Variants in NPSR1 observed in about 807,000 individuals in gnomAD.
NPSR1 encodes neuropeptide S receptor 1.
A neutral mutation model predicts 46.9 loss-of-function variants in NPSR1; 48 were observed. The observed-to-expected ratio is 1.02, with a 90% confidence interval of 0.81 to 1.30. The LOEUF (loss-of-function observed/expected upper bound fraction) is 1.30. NPSR1 is among the 50% of genes most tolerant of loss of function. NPSR1 has a pLI of 0.00. For missense variants in NPSR1, 450 were observed against 449.5 expected (o/e 1.00, Z -0.01); for synonymous variants, 176 against 168.1 (o/e 1.05, Z -0.36).
At chr7:34,854,412 CA>C (rs1483957576), downstream of NPSR1, among the ~76,000 whole-genome samples, 1 of 151,956 alleles carries the variant, frequency 6.6e-6, no homozygotes, top group East Asian at 1.9e-4. Context: ...CTGCTGTTTA[CA>C]AAAGACATGC....
chr7:34,750,915 A>G, intron 2 of NPSR1: 1 of 736,084 alleles, frequency 1.4e-6, no homozygotes, highest in South Asian at 1.3e-5. Context: ...CACTTCCTCC[A>G]CCCCCAGCTC....
intron 2 of NPSR1, among the ~76,000 whole-genome samples, chr7:34,721,130 G>A (rs747827426): frequency 6.6e-6 from 1 of 152,068 alleles, no homozygotes; most frequent in Non-Finnish European, 1.5e-5. Context: ...GGAATAGGAT[G>A]GTAAGAAAGA....
chr7:34,850,398 C>CT (rs756462912), downstream of NPSR1, among the ~76,000 whole-genome samples: 6,090 of 113,044 alleles, frequency 0.054, 293 homozygotes, highest in African/African-American at 0.1. Flanking sequence ...TCCTTGAGGC[C>CT]TTTTTTTTTT....
At chr7:34,758,459 G>T (rs1421121029) in intron 2 of NPSR1, among the ~76,000 whole-genome samples, 3 of 152,188 alleles carry the variant, frequency 2.0e-5, no homozygotes, top group African/African-American at 7.2e-5. Context: ...TATAACAGCA[G>T]CCCTTGCTCA....
At chr7:34,694,150 A>G (rs1460009396) in intron 2 of NPSR1, among the ~76,000 whole-genome samples, 1 of 152,196 alleles carries the variant, frequency 6.6e-6, no homozygotes, top group African/African-American at 2.4e-5. Flanking sequence ...TCCTAGCTAG[A>G]GCAATCAGGC....
intron 3 of NPSR1, among the ~76,000 whole-genome samples, chr7:34,793,333 G>A (rs1023521314): frequency 1.3e-5 from 2 of 152,004 alleles, no homozygotes; most frequent in Admixed American, 1.3e-4. Context: ...CAGAATATAT[G>A]AGAAACTCAA....
intron 2 of NPSR1, among the ~76,000 whole-genome samples, chr7:34,748,404 G>A (rs963417274): frequency 2.6e-5 from 4 of 152,186 alleles, no homozygotes; most frequent in Admixed American, 1.3e-4. Flanking sequence ...GCTTGGGATT[G>A]GGGCAGGAAG....
At chr7:34,746,535 C>T (rs2128721569) in intron 2 of NPSR1, among the ~76,000 whole-genome samples, 1 of 152,150 alleles carries the variant, frequency 6.6e-6, no homozygotes, top group African/African-American at 2.4e-5. Flanking sequence ...CAAACATATC[C>T]CTCACAGATA....
chr7:34,815,761 T>C (rs1026174606), intron 4 of NPSR1, among the ~76,000 whole-genome samples: 39 of 151,260 alleles, frequency 2.6e-4, no homozygotes, highest in Non-Finnish European at 5.9e-5. Context: ...GGGCCAATAT[T>C]CAACATTCTT....
chr7:34,866,060 A>G (rs1225357269), intron 8 of NPSR1, among the ~76,000 whole-genome samples: 1 of 151,886 alleles, frequency 6.6e-6, no homozygotes, highest in East Asian at 1.9e-4. Flanking sequence ...GCTGGGATGA[A>G]TCCACTTCAA....
At chr7:34,708,117 TGAAG>T (rs1794200723) in intron 2 of NPSR1, among the ~76,000 whole-genome samples, 1 of 152,162 alleles carries the variant, frequency 6.6e-6, no homozygotes, top group Non-Finnish European at 1.5e-5. Context: ...TGTCACATTG[TGAAG>T]GACTGGAGGT....
At chr7:34,846,712 A>G (rs1393388026) in intron 7 of NPSR1, among the ~76,000 whole-genome samples, 4 of 152,210 alleles carry the variant, frequency 2.6e-5, no homozygotes, top group Admixed American at 2.0e-4. Flanking sequence ...TCAGCCGGCA[A>G]AAAGAAAAAA....
chr7:34,768,051 A>C (rs140075017), intron 2 of NPSR1, among the ~76,000 whole-genome samples: 31 of 152,280 alleles, frequency 2.0e-4, no homozygotes, highest in Admixed American at 6.5e-4. Context: ...GAGATGATAG[A>C]TATGCCAGTT....
At chr7:34,789,740 C>CAAAAAAAAAAAAAAAAAAAAAAAA (rs751424409) in intron 3 of NPSR1, among the ~76,000 whole-genome samples, 2 of 45,348 alleles carry the variant, frequency 4.4e-5, no homozygotes, top group African/African-American at 8.8e-5. Context: ...TTGCAGTGCG[C>CAAAAAAAAAAAAAAAAAAAAAAAA]AAAAAAAAAA....
chr7:34,826,102 C>T (rs953252564), intron 4 of NPSR1, among the ~76,000 whole-genome samples: 2 of 152,114 alleles, frequency 1.3e-5, no homozygotes, highest in African/African-American at 2.4e-5. Flanking sequence ...TCAAGGGACT[C>T]GAGTTTCCAA....
chr7:34,864,083 G>T (rs1239872397), intron 8 of NPSR1, among the ~76,000 whole-genome samples: 1 of 151,740 alleles, frequency 6.6e-6, no homozygotes, highest in Non-Finnish European at 1.5e-5. Flanking sequence ...GGACATAGAT[G>T]AAGCTGGAAA....
At chr7:34,689,365 G>A (rs1045438794) in intron 2 of NPSR1, among the ~76,000 whole-genome samples, 8 of 152,106 alleles carry the variant, frequency 5.3e-5, no homozygotes, top group African/African-American at 1.9e-4. Context: ...CAGCACTTTG[G>A]GAGGCCAAGG....
At chr7:34,742,616 C>G (rs1785002112) in intron 2 of NPSR1, among the ~76,000 whole-genome samples, 3 of 152,164 alleles carry the variant, frequency 2.0e-5, no homozygotes, top group Admixed American at 2.0e-4. Flanking sequence ...GTGAATAGTA[C>G]TGCAATGAAC....
chr7:34,689,623 A>G (rs1307970663), intron 2 of NPSR1, among the ~76,000 whole-genome samples: 19 of 146,176 alleles, frequency 1.3e-4, no homozygotes, highest in African/African-American at 1.3e-4. Context: ...AAAAAAAAAA[A>G]AAAAAAAAAA....
Sources: allele counts gnomAD v4.1 joint callset (sites outside exome capture counted in the v4.1 genomes callset), GRCh38; gene constraint gnomAD v4.1.1; transcripts MANE v1.5; gene names NCBI Gene and HGNC (gene_info 2026-07-23, HGNC 2026-07-21).